Variants in CHMP1A observed in about 807,000 individuals in gnomAD.
The protein encoded by CHMP1A is VPS46 homolog A.
A neutral mutation model predicts 27.0 loss-of-function variants in CHMP1A; 17 were observed. The ratio of observed to expected loss-of-function variants is 0.63; its 90% confidence interval spans 0.43 to 0.95. The LOEUF is 0.95. Ranked by LOEUF, CHMP1A falls within the 40% of genes least tolerant of loss-of-function variation. CHMP1A has a pLI of 0.00. For missense variants in CHMP1A, 275 were observed against 264.0 expected, an observed-to-expected ratio of 1.04 and a Z score of -0.29; for synonymous variants, 131 against 107.5, an observed-to-expected ratio of 1.22 and a Z score of -1.35.
Position 89,648,739 on chromosome 16 carries a change from A to G in CHMP1A, c.252+612T>C, listed in dbSNP as rs1177777543. On this transcript the variant is annotated intron_variant, in intron 4 of 6. Transcript: ENST00000397901. ...CCCTGTCTCTACATAAAAATGAAAA[A>G]AATCAGCTGGGCATGGTGGTGGATG... is the stretch of plus-strand genomic sequence containing the variant. Among the ~76,000 whole-genome samples the G allele has an allele frequency of 6.7e-5, 9 of 133,396 alleles. 1 individual carries two copies. The highest frequency in any genetic ancestry group is 6.4e-4 in the Admixed American group (9 of 14,144). The allele number at this position is 133,396 out of a possible 152,430, so 87.5% of individuals were successfully genotyped here.
intron 2 of CHMP1A, among the ~76,000 whole-genome samples, chr16:89,653,660 C>G (rs897597140): frequency 7.1e-6 from 1 of 141,050 alleles, no homozygotes; most frequent in Non-Finnish European, 1.5e-5. Context: ...AACACTATTT[C>G]TTTCATGGCT....
chr16:89,657,043 C>A (rs975209216), intron 1 of CHMP1A, among the ~76,000 whole-genome samples: 6 of 146,704 alleles, frequency 4.1e-5, no homozygotes, highest in Non-Finnish European at 6.0e-5. Context: ...GGGAAGGGGT[C>A]CCGAATCGGG....
At chr16:89,647,427 G>A (rs2059784083) in intron 4 of CHMP1A, 96 bp from the exon 5 acceptor site, 2 of 1,264,352 alleles carry the variant, frequency 1.6e-6, no homozygotes, top group African/African-American at 1.5e-5. Context: ...GGAGAGCTGG[G>A]GCACCCCAAC....
chr16:89,655,931 A>G (rs113248510), intron 1 of CHMP1A, among the ~76,000 whole-genome samples: 4 of 152,016 alleles, frequency 2.6e-5, no homozygotes, highest in African/African-American at 9.7e-5. Flanking sequence ...CGGCCTCCCA[A>G]AGTGCTGGAA....
At chr16:89,646,997 G>A (rs1481078791) in intron 5 of CHMP1A, 1 of 1,480,708 alleles carries the variant, frequency 6.8e-7, no homozygotes, top group Non-Finnish European at 9.0e-7. Context: ...AAGGAGCCAG[G>A]TGCCTGCAGG....
At chr16:89,654,185 G>T (rs1213400257) in intron 1 of CHMP1A, among the ~76,000 whole-genome samples, 1 of 152,238 alleles carries the variant, frequency 6.6e-6, no homozygotes, top group Admixed American at 6.5e-5. Flanking sequence ...ACATGAGGGT[G>T]GTACCAGCCA....
At chr16:89,646,966 C>T in intron 5 of CHMP1A, 1 of 1,312,638 alleles carries the variant, frequency 7.6e-7, no homozygotes, top group Non-Finnish European at 1.0e-6. Context: ...GCATGCTTGT[C>T]TGCCATCCGA....
intron 1 of CHMP1A, among the ~76,000 whole-genome samples, chr16:89,655,782 G>T (rs966797222): frequency 2.0e-5 from 3 of 152,018 alleles, no homozygotes; most frequent in Admixed American, 1.3e-4. Flanking sequence ...CACGCCACCA[G>T]GCCCAGCTAA....
chr16:89,656,153 T>C (rs895507867), intron 1 of CHMP1A, among the ~76,000 whole-genome samples: 2 of 152,240 alleles, frequency 1.3e-5, no homozygotes, highest in African/African-American at 4.8e-5. Flanking sequence ...AGAATTTTTT[T>C]TGAGACGGAG....
intron 3 of CHMP1A, among the ~76,000 whole-genome samples, chr16:89,650,471 G>A (rs773633732): frequency 3.9e-5 from 6 of 152,260 alleles, no homozygotes; most frequent in South Asian, 2.1e-4. Context: ...CCCAGACCCT[G>A]ATGCCCTAGA....
chr16:89,650,508 T>TAAAAATG (rs1239977048), intron 3 of CHMP1A, among the ~76,000 whole-genome samples: 23 of 152,102 alleles, frequency 1.5e-4, no homozygotes, highest in Admixed American at 9.8e-4. Context: ...AGGAGAGAGC[T>TAAAAATG]AAAAATGATA....
intron 2 of CHMP1A, among the ~76,000 whole-genome samples, chr16:89,653,044 C>T (rs1248556792): frequency 2.0e-5 from 2 of 100,618 alleles, no homozygotes; most frequent in Admixed American, 1.4e-4. Context: ...TTTTTTGAGA[C>T]GGAGTCTCTG....
At chr16:89,653,189 T>G (rs1360887894) in intron 2 of CHMP1A, among the ~76,000 whole-genome samples, 1 of 150,720 alleles carries the variant, frequency 6.6e-6, no homozygotes, top group Non-Finnish European at 1.5e-5. Context: ...GGCTAATTTT[T>G]TTGTGTGTTT....
intron 2 of CHMP1A, among the ~76,000 whole-genome samples, chr16:89,652,095 C>T (rs1328227471): frequency 6.6e-6 from 1 of 152,244 alleles, no homozygotes; most frequent in Admixed American, 6.5e-5. Flanking sequence ...AGTGTTATCT[C>T]GAGAGAATGC....
chr16:89,657,281 A>T (rs866843671), intron 1 of CHMP1A, among the ~76,000 whole-genome samples: 31 of 131,634 alleles, frequency 2.4e-4, no homozygotes, highest in African/African-American at 8.6e-4. Context: ...TTGGTGGTCT[A>T]GGCCCTGGGG....
At chr16:89,646,285 C>T (rs941128482) in intron 6 of CHMP1A, among the ~76,000 whole-genome samples, 198 bp from the exon 7 acceptor site, 6 of 152,230 alleles carry the variant, frequency 3.9e-5, no homozygotes, top group Admixed American at 2.0e-4. Context: ...GTACTGCAGA[C>T]GTGTGTAAAC....
intron 2 of CHMP1A, 47 bp downstream of exon 2, chr16:89,653,857 T>C (rs772512968): frequency 1.4e-5 from 23 of 1,596,892 alleles, no homozygotes; most frequent in Non-Finnish European, 1.7e-5. Context: ...TTATACTATC[T>C]GTCCTCACCA....
At chr16:89,655,704 C>A (rs187845796) in intron 1 of CHMP1A, among the ~76,000 whole-genome samples, 7 of 152,194 alleles carry the variant, frequency 4.6e-5, no homozygotes, top group Non-Finnish European at 8.8e-5. Context: ...TGGCTCACTG[C>A]AACCTCTGCC....
chr16:89,646,876 C>A (rs2059778016), intron 5 of CHMP1A, 162 bp from the exon 6 acceptor site: 4 of 921,320 alleles, frequency 4.3e-6, no homozygotes, highest in Non-Finnish European at 6.6e-6. Flanking sequence ...CCACCAGGAG[C>A]CTTTCCTGCC....
Sources: allele counts gnomAD v4.1 joint callset (sites outside exome capture counted in the v4.1 genomes callset), GRCh38; gene constraint gnomAD v4.1.1; transcripts MANE v1.5; gene names NCBI Gene and HGNC (gene_info 2026-07-23, HGNC 2026-07-21).